The following DOCK2 variants were observed in gnomAD, a reference collection of about 807,000 sequenced individuals.
DOCK2 encodes dedicator of cytokinesis protein 2.
In DOCK2, 87 loss-of-function variants were observed where a neutral mutation model predicts 248.9. That is an observed-to-expected ratio of 0.35 (90% CI 0.29 to 0.42). The LOEUF is 0.42. Among genes scored for constraint, DOCK2 ranks in the 10% least tolerant of loss-of-function variants. The pLI is 1.00. For missense variants in DOCK2, 1,747 were observed against 2,300.2 expected (o/e 0.76, Z 4.92); for synonymous variants, 805 against 821.6 (o/e 0.98, Z 0.35).
intron 27 of DOCK2, among the ~76,000 whole-genome samples, chr5:169,882,066 T>C (rs1328262878): frequency 6.6e-6 from 1 of 152,210 alleles, no homozygotes; most frequent in Non-Finnish European, 1.5e-5. Context: ...TGGTCATTGA[T>C]GGGCCAGCCC....
chr5:170,080,465 G>T (rs1029021398), intron 50 of DOCK2, 182 bp downstream of exon 50: 11 of 925,798 alleles, frequency 1.2e-5, no homozygotes, highest in East Asian at 1.1e-4. Flanking sequence ...CTTCCTGGGG[G>T]TGACACCATC....
intron 25 of DOCK2, among the ~76,000 whole-genome samples, chr5:169,766,105 T>G (rs1017013316): frequency 6.6e-6 from 1 of 152,196 alleles, no homozygotes; most frequent in African/African-American, 2.4e-5. Context: ...ATGAGGAACA[T>G]GTGCAGGTTT....
At chr5:169,691,596 G>A (rs1760305290) in intron 9 of DOCK2, among the ~76,000 whole-genome samples, 1 of 152,202 alleles carries the variant, frequency 6.6e-6, no homozygotes, top group African/African-American at 2.4e-5. Flanking sequence ...AGGGTGATGT[G>A]ATGGTATGTG....
At chr5:169,719,545 T>C (rs1581091415) in intron 22 of DOCK2, among the ~76,000 whole-genome samples, 1 of 152,204 alleles carries the variant, frequency 6.6e-6, no homozygotes, top group African/African-American at 2.4e-5. Flanking sequence ...TTTCACATCA[T>C]TGAAAAACCA....
chr5:169,793,601 G>T (rs1766479061), intron 25 of DOCK2, among the ~76,000 whole-genome samples: 1 of 152,088 alleles, frequency 6.6e-6, no homozygotes, highest in South Asian at 2.1e-4. Flanking sequence ...TCTACAGAAA[G>T]CCTCCTCAGT....
chr5:170,022,912 A>G (rs1047057144), intron 33 of DOCK2, among the ~76,000 whole-genome samples: 2 of 152,230 alleles, frequency 1.3e-5, no homozygotes, highest in Non-Finnish European at 2.9e-5. Context: ...GGGGAACCAC[A>G]TCGGCACAGG....
chr5:169,949,550 C>T (rs1220502143), intron 27 of DOCK2, among the ~76,000 whole-genome samples: 2 of 151,462 alleles, frequency 1.3e-5, no homozygotes, highest in Non-Finnish European at 2.9e-5. Context: ...AATTTGGAGG[C>T]GTTGGTACCC....
At chr5:169,761,186 A>G (rs1764467116) in intron 24 of DOCK2, 1 of 169,150 alleles carries the variant, frequency 5.9e-6, no homozygotes, top group Non-Finnish European at 1.3e-5. Context: ...TGAGCTTTCT[A>G]ACTTATAAAA....
chr5:169,757,011 G>T (rs1245923345), intron 23 of DOCK2, among the ~76,000 whole-genome samples: 3 of 152,116 alleles, frequency 2.0e-5, no homozygotes, highest in African/African-American at 2.4e-5. Context: ...GACTTCAGAG[G>T]TTGTAAATTA....
chr5:169,772,797 C>G lies in DOCK2; in HGVS notation c.2554+11172C>G, dbSNP rs946250980. On this transcript the variant is annotated intron_variant, in intron 25 of 51. Coordinates refer to ENST00000520908, the MANE Select transcript of DOCK2 (RefSeq NM_004946.3). ...TTGAGAAGTATTGAGAAGCATTCCCCCAGTACGTCTCAGCATCCTGCCTCA... is the reference window on the plus strand; with the variant it reads ...TTGAGAAGTATTGAGAAGCATTCCCGCAGTACGTCTCAGCATCCTGCCTCA... 2.0e-5 allele frequency among the ~76,000 whole-genome samples: 3 copies of G among 152,168 alleles called. No individual in the cohort carries two copies. The East Asian group carries it at 5.8e-4, about 29-fold the overall frequency.
At chr5:169,919,998 G>A (rs955490702) in intron 27 of DOCK2, among the ~76,000 whole-genome samples, 8 of 152,146 alleles carry the variant, frequency 5.3e-5, no homozygotes, top group African/African-American at 1.4e-4. Flanking sequence ...CATGTTGTCC[G>A]TGTTGTTGAA....
chr5:169,896,526 T>G (rs1561804504), intron 27 of DOCK2, among the ~76,000 whole-genome samples: 33 of 152,314 alleles, frequency 2.2e-4, no homozygotes, highest in Non-Finnish European at 4.4e-5. Flanking sequence ...TAATATTACT[T>G]AAGAAGCTGG....
At chr5:169,877,025 A>G (rs1427165880) in intron 27 of DOCK2, among the ~76,000 whole-genome samples, 4 of 152,232 alleles carry the variant, frequency 2.6e-5, no homozygotes, top group Admixed American at 2.6e-4. Context: ...ATGAGGGCTC[A>G]TGGCATGGGG....
At chr5:169,784,812 A>G (rs1293221434) in intron 25 of DOCK2, among the ~76,000 whole-genome samples, 1 of 152,236 alleles carries the variant, frequency 6.6e-6, no homozygotes, top group African/African-American at 2.4e-5. Context: ...GTTTTCTTTC[A>G]AAATAAACTT....
chr5:169,799,015 A>T (rs1300665215), intron 25 of DOCK2, among the ~76,000 whole-genome samples: 1 of 152,240 alleles, frequency 6.6e-6, no homozygotes, highest in Non-Finnish European at 1.5e-5. Context: ...TCAAGAGTTT[A>T]TCAAATCTTT....
chr5:169,797,851 G>A (rs1212328142), intron 25 of DOCK2, among the ~76,000 whole-genome samples: 1 of 152,176 alleles, frequency 6.6e-6, no homozygotes, highest in East Asian at 1.9e-4. Context: ...GCTGCTTCCT[G>A]AAGCTTTACG....
chr5:169,704,552 T>C (rs1009585797), intron 14 of DOCK2, among the ~76,000 whole-genome samples: 1 of 152,124 alleles, frequency 6.6e-6, no homozygotes. Context: ...CTTAGGCAAG[T>C]TTATTCATGT....
At position 169,638,410 on chromosome 5, in the gene DOCK2, A is replaced by G. The variant is rs150006089; in HGVS notation, c.43+1041A>G. Among the ~76,000 whole-genome samples the G allele has an allele frequency of 4.2e-4, 64 of 152,338 alleles. 1 individual carries two copies. In the East Asian group the frequency reaches 0.01, roughly 25 times the overall value. ...ATATCTCAAGGGGCAGTTACAAAGTAAGGAAGGATACAGCTTCTGCCCTTG... is the reference window on the plus strand; with the variant it reads ...ATATCTCAAGGGGCAGTTACAAAGTGAGGAAGGATACAGCTTCTGCCCTTG... On this transcript the variant is annotated intron_variant, in intron 1 of 51. Transcript: ENST00000520908.
intron 27 of DOCK2, among the ~76,000 whole-genome samples, chr5:169,948,613 ATTT>A (rs772095719): frequency 2.2e-5 from 3 of 135,928 alleles, no homozygotes; most frequent in Non-Finnish European, 3.2e-5. Context: ...TCCACAATTA[ATTT>A]TTTTTTTTTT....
Sources: gnomAD v4.1 joint callset for allele counts (sites outside exome capture counted in the v4.1 genomes callset) on GRCh38, gnomAD v4.1.1 for gene constraint, MANE v1.5 for transcripts, NCBI Gene and HGNC (gene_info 2026-07-23, HGNC 2026-07-21) for gene names.